The following SH3D19 variants were observed in gnomAD, a reference collection of about 807,000 sequenced individuals.
SH3D19 encodes the protein SH3 domain-containing protein 19.
Under a neutral mutation model 112.1 loss-of-function variants are expected in SH3D19, and 58 were observed. The ratio of observed to expected loss-of-function variants is 0.52; its 90% CI spans 0.42 to 0.64. The LOEUF (loss-of-function observed/expected upper bound fraction) is 0.64. SH3D19 is among the 30% of genes least tolerant of loss of function. The probability of loss-of-function intolerance (pLI) is 0.00; values close to 1 mark genes in which losing one functional copy is unlikely to be tolerated. For missense variants in SH3D19, 1,090 were observed against 1,263.4 expected (o/e 0.86, Z 2.08); for synonymous variants, 391 against 448.5 (o/e 0.87, Z 1.62).
intron 13 of SH3D19, among the ~76,000 whole-genome samples, chr4:151,138,686 T>TCACACA (rs1177218801): frequency 3.3e-4 from 18 of 54,168 alleles, no homozygotes; most frequent in Middle Eastern, 0.01. Context: ...AGATCTTGTC[T>TCACACA]CACACACACA....
chr4:151,215,238 A>T lies in SH3D19; in HGVS notation c.152+10809T>A, dbSNP rs117095904. Among the ~76,000 whole-genome samples, 333 of 152,298 alleles carry T rather than the reference A, an allele frequency of 2.2e-3. 9 individuals carry two copies. In the East Asian group the frequency reaches 0.058, roughly 26 times the overall value. On this transcript the variant is annotated intron_variant, in intron 2 of 19. Coordinates refer to ENST00000604030, the MANE Select transcript of SH3D19 (RefSeq NM_001378122.1). ...CAGCCGGCCTCATTAAAATATTCTG[A>T]AGACCGTACTTCAGTTTATAAGGCC...
intron 19 of SH3D19, among the ~76,000 whole-genome samples, chr4:151,123,324 A>C (rs991581557): frequency 6.6e-6 from 1 of 152,134 alleles, no homozygotes. Flanking sequence ...CAGATTTTAC[A>C]ATGGACCTTT....
chr4:151,279,617 G>T (rs1025315804), intron 1 of SH3D19, among the ~76,000 whole-genome samples: 3 of 152,206 alleles, frequency 2.0e-5, no homozygotes, highest in Non-Finnish European at 4.4e-5. Context: ...ACAATCAGGG[G>T]AGTGGTCTCC....
At chr4:151,149,439 TA>T (rs1561232924) in intron 10 of SH3D19, 60 bp downstream of exon 10, 3 of 1,350,690 alleles carry the variant, frequency 2.2e-6, no homozygotes, top group South Asian at 1.2e-5. Context: ...ATCTTGGTGA[TA>T]AAAAAGAGTT....
intron 2 of SH3D19, 90 bp from the exon 3 acceptor site, chr4:151,187,553 T>G (rs1409196957): frequency 1.4e-6 from 1 of 696,324 alleles, no homozygotes; most frequent in Non-Finnish European, 2.0e-6. Flanking sequence ...GGATTCAATA[T>G]GGTGCTAAGC....
intron 10 of SH3D19, 88 bp from the exon 11 acceptor site, chr4:151,148,274 CACACACACACACACAG>C (rs1754292719): frequency 3.4e-5 from 20 of 582,596 alleles, no homozygotes; most frequent in Middle Eastern, 5.2e-4. Flanking sequence ...CACACACACA[CACACACACACACACAG>C]AGACACAGCT....
chr4:151,178,119 G>T (rs1467454283), intron 4 of SH3D19, among the ~76,000 whole-genome samples: 6 of 152,108 alleles, frequency 3.9e-5, no homozygotes, highest in Non-Finnish European at 7.4e-5. Flanking sequence ...TCACTATCTT[G>T]CTCAGGCAGG....
At chr4:151,310,758 G>C (rs1165764173) in intron 1 of SH3D19, among the ~76,000 whole-genome samples, 1 of 151,528 alleles carries the variant, frequency 6.6e-6, no homozygotes, top group Non-Finnish European at 1.5e-5. Flanking sequence ...TTTTAGTAGA[G>C]ACGGGGTTTC....
At chr4:151,174,475 C>G (rs906065596) in intron 7 of SH3D19, among the ~76,000 whole-genome samples, 195 bp downstream of exon 7, 9 of 152,204 alleles carry the variant, frequency 5.9e-5, no homozygotes, top group Admixed American at 2.6e-4. Flanking sequence ...CCCTCCCTGT[C>G]TCCATTCCCC....
intron 9 of SH3D19, among the ~76,000 whole-genome samples, chr4:151,151,935 T>A (rs1433878389): frequency 6.6e-6 from 1 of 152,238 alleles, no homozygotes; most frequent in Admixed American, 6.5e-5. Flanking sequence ...AAGATGCAGA[T>A]GATGTACTGT....
chr4:151,165,565 TAAAG>T lies in SH3D19; in HGVS notation c.1642+20_1642+23del, dbSNP rs761005980. ...TCTCCCAGCCTCTTGAAGAAGCTAA[TAAAG>T]AAAGCAGAGAAGTGCTTACATTTTC... On this transcript the variant is annotated intron_variant, in intron 8 of 19. Transcript: ENST00000604030. 1.9e-6 allele frequency: 3 copies of T among 1,562,630 alleles called. No individual in the cohort carries two copies. Among genetic ancestry groups the T allele is most frequent in the Admixed American group, 3.4e-5 (2 of 58,902 alleles).
In SH3D19 at chr4:151,261,405, G is replaced by A. The variant is rs138457180; in HGVS notation, c.113-35319C>T. Reference sequence around the variant, plus strand: ...CCAAGCAAACACATCTAGTGCCATCGCTGTGGTAGAACTGCCCTCCCCAGT... The same window carrying A: ...CCAAGCAAACACATCTAGTGCCATCACTGTGGTAGAACTGCCCTCCCCAGT... On this transcript the variant is annotated intron_variant, in intron 1 of 19. Transcript: ENST00000604030. The A allele has an allele frequency of 2.6e-3, 389 of 152,314 alleles. 1 individual carries two copies. The highest frequency in any genetic ancestry group is 4.1e-3 in the Non-Finnish European group (281 of 68,092). 9.4% of individuals were successfully genotyped at this position (152,314 alleles called of 1,614,324 possible).
chr4:151,169,044 C>G (rs1758591037), intron 7 of SH3D19, among the ~76,000 whole-genome samples: 1 of 152,102 alleles, frequency 6.6e-6, no homozygotes, highest in East Asian at 1.9e-4. Context: ...GAAGAATGGC[C>G]TCAGGAAATC....
At chr4:151,293,468 G>A (rs1323385793) in intron 1 of SH3D19, among the ~76,000 whole-genome samples, 19 of 145,948 alleles carry the variant, frequency 1.3e-4, no homozygotes, top group African/African-American at 1.9e-4. Context: ...GCAAGACTCC[G>A]TCTCCAAAAA....
In SH3D19 at chr4:151,278,938, T is replaced by C. The variant is rs1450320514; in HGVS notation, c.112+46303A>G. ...GTGAGTCACTGTGCCCAGTCAATCT[T>C]ACCACTTTCATTTGTCTATTGGTTC... On this transcript the variant is annotated intron_variant, in intron 1 of 19. Transcript: ENST00000604030. 2.0e-5 allele frequency: 4 copies of C among 196,428 alleles called. No individual in the cohort carries two copies. The East Asian group carries it at 5.2e-4, about 26-fold the overall frequency. The allele number at this position is 196,428 out of a possible 1,614,324, so 12.2% of individuals were successfully genotyped here.
intron 2 of SH3D19, among the ~76,000 whole-genome samples, chr4:151,223,130 T>A (rs1464129807): frequency 1.3e-5 from 2 of 151,680 alleles, no homozygotes; most frequent in African/African-American, 4.9e-5. Context: ...AAATGGTAAA[T>A]TTTCCCCCTT....
At chr4:151,246,818 GTTCA>G (rs1009577936) in intron 1 of SH3D19, among the ~76,000 whole-genome samples, 1 of 152,136 alleles carries the variant, frequency 6.6e-6, no homozygotes, top group Non-Finnish European at 1.5e-5. Flanking sequence ...TAATGGATGG[GTTCA>G]TTGTTTTATT....
At chr4:151,293,397 T>C (rs370878382) in intron 1 of SH3D19, among the ~76,000 whole-genome samples, 4 of 147,566 alleles carry the variant, frequency 2.7e-5, no homozygotes, top group African/African-American at 1.0e-4. Context: ...GGCGTGAACC[T>C]GGGAGACGGA....
chr4:151,165,325 G>C (rs1225337555), intron 8 of SH3D19, among the ~76,000 whole-genome samples: 1 of 151,850 alleles, frequency 6.6e-6, no homozygotes, highest in East Asian at 1.9e-4. Flanking sequence ...CTGGGTGAGA[G>C]AGCGTGACTC....
Sources: allele counts gnomAD v4.1 joint callset (sites outside exome capture counted in the v4.1 genomes callset), GRCh38; gene constraint gnomAD v4.1.1; transcripts MANE v1.5; gene names NCBI Gene and HGNC (gene_info 2026-07-23, HGNC 2026-07-21).